The following MBP variants were observed in gnomAD, a reference collection of about 807,000 sequenced individuals.
MBP encodes the protein myelin basic protein, also known as Golli-MBP.
Under a neutral mutation model 35.8 loss-of-function variants are expected in MBP, and 16 were observed. That is an observed-to-expected ratio of 0.45 (90% CI 0.30 to 0.68). MBP has a LOEUF of 0.68. Among genes scored for constraint, MBP ranks in the 30% least tolerant of loss-of-function variants. The probability of loss-of-function intolerance (pLI) is 0.08; values close to 1 mark genes in which losing one functional copy is unlikely to be tolerated. For missense variants in MBP, 380 were observed against 404.7 expected (o/e 0.94, Z 0.52); for synonymous variants, 143 against 159.6 (o/e 0.90, Z 0.78).
intron 2 of MBP, chr18:77,068,895 C>A: frequency 8.8e-6 from 4 of 454,532 alleles, no homozygotes; most frequent in South Asian, 6.2e-5. Flanking sequence ...ACACTCTCAG[C>A]CTCTTTGGGA....
chr18:77,085,950 G>A (rs1290284860), intron 2 of MBP, among the ~76,000 whole-genome samples: 1 of 152,058 alleles, frequency 6.6e-6, no homozygotes, highest in Non-Finnish European at 1.5e-5. Flanking sequence ...CCAAAGTGCT[G>A]GGATTACAGG....
intron 1 of MBP, among the ~76,000 whole-genome samples, chr18:77,122,874 G>T (rs947563720): frequency 6.6e-6 from 1 of 152,196 alleles, no homozygotes; most frequent in Non-Finnish European, 1.5e-5. Flanking sequence ...AATTCTGCCA[G>T]TTCTAGTCGT....
chr18:77,045,248 C>T (rs906283057), intron 3 of MBP, among the ~76,000 whole-genome samples: 3 of 152,064 alleles, frequency 2.0e-5, no homozygotes, highest in African/African-American at 7.2e-5. Context: ...ACAGCCCACC[C>T]GTTAATGCAC....
At chr18:77,043,554 C>T (rs188860043) in intron 3 of MBP, among the ~76,000 whole-genome samples, 24 of 150,592 alleles carry the variant, frequency 1.6e-4, no homozygotes, top group African/African-American at 5.2e-4. Flanking sequence ...GGTGACCCTG[C>T]CCTTCTCCTG....
rs577078359 is a variant in MBP, at chr18:76,990,281, T to G, written c.577-221A>C. 5.9e-5 allele frequency among the ~76,000 whole-genome samples: 9 copies of G among 151,768 alleles called. No individual in the cohort carries two copies. In the South Asian group the frequency reaches 1.9e-3, roughly 32 times the overall value. On this transcript the variant is annotated intron_variant, in intron 4 of 8. Coordinates refer to ENST00000355994, the MANE Select transcript of MBP (RefSeq NM_001025101.2). Reference sequence around the variant, plus strand: ...CACGAACAGTAAGAACAAGTGGAGATTTGTAGCAAAGCAGCAGGTGAGGAT... The same window carrying G: ...CACGAACAGTAAGAACAAGTGGAGAGTTGTAGCAAAGCAGCAGGTGAGGAT...
At position 77,128,294 on chromosome 18, in the gene MBP, A is replaced by AT. The variant is rs1212615001; in HGVS notation, c.-26+4285dup. Among the ~76,000 whole-genome samples, 6 of 152,202 alleles carry AT rather than the reference A, an allele frequency of 3.9e-5. No individual in the cohort carries two copies. The South Asian group carries it at 1.2e-3, about 32-fold the overall frequency. The stretch of plus-strand genomic sequence containing the variant: ...GAAAAAGCCAGTCTCGAAAGGTTGC[A>AT]TAGTGTATGATTCCATTTATAGAGC... On this transcript the variant is annotated intron_variant, in intron 1 of 8. Transcript: ENST00000355994.
chr18:77,072,756 C>T (rs1250773604), intron 2 of MBP, among the ~76,000 whole-genome samples: 4 of 152,308 alleles, frequency 2.6e-5, no homozygotes, highest in Non-Finnish European at 4.4e-5. Flanking sequence ...TAGTGCCGCC[C>T]GCAGCGCAGT....
intron 2 of MBP, among the ~76,000 whole-genome samples, chr18:77,089,469 C>G (rs893832689): frequency 3.3e-5 from 5 of 152,232 alleles, no homozygotes; most frequent in Non-Finnish European, 2.9e-5. Context: ...AGAAGGGACA[C>G]AGCCTCAAGG....
intron 2 of MBP, among the ~76,000 whole-genome samples, chr18:77,078,803 C>T (rs1031646586): frequency 2.6e-5 from 4 of 152,232 alleles, no homozygotes; most frequent in South Asian, 2.1e-4. Context: ...CCCCTGGGGT[C>T]GGGTGGACTC....
intron 3 of MBP, among the ~76,000 whole-genome samples, chr18:77,053,199 C>G (rs953531203): frequency 6.6e-6 from 1 of 152,164 alleles, no homozygotes; most frequent in Non-Finnish European, 1.5e-5. Context: ...TGAGGGTGGC[C>G]GCATCTGCAG....
At chr18:77,070,127 G>A (rs1974378585) in intron 2 of MBP, among the ~76,000 whole-genome samples, 1 of 152,148 alleles carries the variant, frequency 6.6e-6, no homozygotes, top group African/African-American at 2.4e-5. Flanking sequence ...CAGATGATGT[G>A]TCAAAAGTGA....
At chr18:77,040,090 C>A (rs1235616806) in intron 3 of MBP, among the ~76,000 whole-genome samples, 2 of 152,194 alleles carry the variant, frequency 1.3e-5, no homozygotes, top group African/African-American at 4.8e-5. Context: ...TATGCACCTG[C>A]CTTGACACCC....
chr18:77,086,139 C>A (rs1169841064), intron 2 of MBP, among the ~76,000 whole-genome samples: 1 of 152,180 alleles, frequency 6.6e-6, no homozygotes, highest in African/African-American at 2.4e-5. Flanking sequence ...TGCCTTTCTT[C>A]AAAGCTGAGT....
chr18:77,016,434 AC>A, intron 4 of MBP: 1 of 1,041,186 alleles, frequency 9.6e-7, no homozygotes, highest in Non-Finnish European at 1.2e-6. Context: ...AACGAGCATA[AC>A]CCAGTGTTGA....
chr18:76,988,388 A>G lies in MBP; in HGVS notation c.750+107T>C. On this transcript the variant is annotated intron_variant, in intron 7 of 8. Coordinates refer to ENST00000355994, the MANE Select transcript of MBP (RefSeq NM_001025101.2). This position sits in a 1 kb window ranked among gnomAD's most constrained non-coding sequence, Gnocchi z 5.2. Reference sequence around the variant, plus strand: ...GTGGGCAGAGAGGTCTCGAGAGGAGAGAAAAGGAGGCCAGGAAGCAACCGA... The same window carrying G: ...GTGGGCAGAGAGGTCTCGAGAGGAGGGAAAAGGAGGCCAGGAAGCAACCGA... The G allele has an allele frequency of 6.2e-7, 1 of 1,613,822 alleles. No individual in the cohort carries two copies. The highest frequency in any genetic ancestry group is 8.5e-7 in the Non-Finnish European group (1 of 1,179,828).
chr18:77,003,567 G>A (rs987869254), intron 4 of MBP: 1 of 152,188 alleles, frequency 6.6e-6, no homozygotes, highest in Non-Finnish European at 1.5e-5. Flanking sequence ...AACCACAGAA[G>A]ATAGTGGTGT....
chr18:77,091,755 A>G (rs1205775088), intron 2 of MBP, among the ~76,000 whole-genome samples: 1 of 151,606 alleles, frequency 6.6e-6, no homozygotes, highest in African/African-American at 2.4e-5. Flanking sequence ...CATCCCATAC[A>G]TGTATATATG....
chr18:76,991,390 AG>A (rs1969906575), intron 4 of MBP, among the ~76,000 whole-genome samples: 1 of 152,164 alleles, frequency 6.6e-6, no homozygotes. Context: ...GCCCGGGGGC[AG>A]GGGAACACAG....
chr18:77,131,705 A>G lies in MBP; in HGVS notation c.-26+875T>C, dbSNP rs1977278378. 6.7e-6 allele frequency: 1 copy of G among 150,308 alleles called. No individual in the cohort carries two copies. Among genetic ancestry groups the G allele is most frequent in the South Asian group, 2.2e-4 (1 of 4,646 alleles). The allele number at this position is 150,308 out of a possible 1,614,324, so 9.3% of individuals were successfully genotyped here. ...AAGGACACAAGGCGCTGCCCCCAGC[A>G]CCCCGGAAAATCTAGTGTGGCGGCA... is the stretch of plus-strand genomic sequence containing the variant. On this transcript the variant is annotated intron_variant, in intron 1 of 8. Transcript: ENST00000355994. The surrounding 1 kb of genome is among the most constrained non-coding windows in gnomAD (Gnocchi z 5.5).
Sources: gnomAD v4.1 joint callset for allele counts (sites outside exome capture counted in the v4.1 genomes callset) on GRCh38, gnomAD v4.1.1 for gene constraint, Gnocchi (gnomAD v3.1) non-coding constraint, MANE v1.5 for transcripts, NCBI Gene and HGNC (gene_info 2026-07-23, HGNC 2026-07-21) for gene names.